GPHN: variants seen among roughly 807,000 people sequenced by gnomAD.
The protein encoded by GPHN is gephyrin.
Under a neutral mutation model 95.5 loss-of-function variants are expected in GPHN, and 17 were observed. The ratio of observed to expected loss-of-function variants is 0.18; its 90% confidence interval spans 0.12 to 0.27. The LOEUF is 0.27. Ranked by LOEUF, GPHN falls within the 10% of genes least tolerant of loss-of-function variation. GPHN has a pLI of 1.00. For synonymous variants in GPHN, 320 were observed against 322.5 expected, an observed-to-expected ratio of 0.99 and a Z score of 0.08; for missense variants, 660 against 978.1, an observed-to-expected ratio of 0.67 and a Z score of 4.34.
chr14:66,976,800 C>T (rs1209137064), intron 9 of GPHN, among the ~76,000 whole-genome samples: 10 of 151,078 alleles, frequency 6.6e-5, no homozygotes, highest in Non-Finnish European at 4.4e-5. Context: ...CTACCATATA[C>T]AGGGTTGACA....
rs147631769 is a variant in GPHN at position 67,159,597 on chromosome 14, C to CA, written c.1910+118dup. 248 of 741,894 alleles carry CA rather than the reference C, an allele frequency of 3.3e-4. 1 individual carries two copies. Among genetic ancestry groups the CA allele is most frequent in the Admixed American group, 4.2e-4 (22 of 52,426 alleles). The allele number at this position is 741,894 out of a possible 1,614,324, so 46.0% of individuals were successfully genotyped here. ...ATTTCCTATTATGAATTAACTATTC[C>CA]AAAAAAAAAGAAATATAGTATTAGG... On this transcript the variant is annotated intron_variant, in intron 19 of 22. Transcript: ENST00000478722.
At chr14:67,273,718 A>T in the GPHN span, among the ~76,000 whole-genome samples, 1 of 152,214 alleles carries the variant, frequency 6.6e-6, no homozygotes, top group South Asian at 2.1e-4. Context: ...ACAATGGTTG[A>T]ACTAGTTTAC....
the GPHN span, chr14:67,678,134 G>T: frequency 1.9e-6 from 1 of 536,150 alleles, no homozygotes; most frequent in Non-Finnish European, 3.4e-6. Flanking sequence ...AAGTAAATCT[G>T]GACATGACAG....
At chr14:66,711,072 G>T (rs181272712) in intron 2 of GPHN, among the ~76,000 whole-genome samples, 1 of 152,016 alleles carries the variant, frequency 6.6e-6, no homozygotes, top group Non-Finnish European at 1.5e-5. Context: ...ATAGGTTATT[G>T]GGGGTACAGG....
At chr14:66,528,959 A>G (rs991397377) in intron 1 of GPHN, among the ~76,000 whole-genome samples, 3 of 152,070 alleles carry the variant, frequency 2.0e-5, no homozygotes, top group Admixed American at 6.5e-5. Flanking sequence ...GCTCTTCTCA[A>G]GTAGTATCTT....
intron 4 of GPHN, among the ~76,000 whole-genome samples, chr14:66,826,578 T>A (rs887530536): frequency 6.6e-6 from 1 of 151,990 alleles, no homozygotes; most frequent in Admixed American, 6.6e-5. Context: ...CCAAACCGCG[T>A]CCCCCACCCC....
the GPHN span, among the ~76,000 whole-genome samples, chr14:67,314,610 G>A: frequency 6.6e-6 from 1 of 152,200 alleles, no homozygotes; most frequent in African/African-American, 2.4e-5. Context: ...CCAAATATCA[G>A]TATGGTGTCT....
At chr14:67,390,658 C>T in the GPHN span, 1 of 1,599,798 alleles carries the variant, frequency 6.3e-7, no homozygotes, top group South Asian at 1.1e-5. Flanking sequence ...AGCATGCGCA[C>T]TCACTTTGGA....
the GPHN span, among the ~76,000 whole-genome samples, chr14:67,496,399 T>G: frequency 8.2e-6 from 1 of 122,054 alleles, no homozygotes; most frequent in African/African-American, 3.1e-5. Flanking sequence ...GCGTTTTTTT[T>G]TTTTTTTTTT....
the GPHN span, chr14:67,573,758 G>T: frequency 7.8e-7 from 1 of 1,284,034 alleles, no homozygotes; most frequent in Non-Finnish European, 1.1e-6. The surrounding 1 kb of genome is among the most constrained non-coding windows in gnomAD (Gnocchi z 4.8). Context: ...CTCCGGAAAG[G>T]CTCCACATTC....
chr14:67,614,137 A>C, the GPHN span, among the ~76,000 whole-genome samples: 2 of 151,958 alleles, frequency 1.3e-5, no homozygotes. Flanking sequence ...GGGTCTTGCT[A>C]TGTTGTCTAG....
At chr14:67,389,971 G>A in the GPHN span, among the ~76,000 whole-genome samples, 2 of 152,024 alleles carry the variant, frequency 1.3e-5, no homozygotes, top group Non-Finnish European at 2.9e-5. Flanking sequence ...CTGGGTCCAG[G>A]CAGGGGTTCC....
At chr14:67,248,043 T>C in the GPHN span, among the ~76,000 whole-genome samples, 5 of 152,250 alleles carry the variant, frequency 3.3e-5, no homozygotes, top group Admixed American at 2.6e-4. Flanking sequence ...TGTTGAATTT[T>C]ATCATATGCC....
chr14:66,779,469 T>C (rs1377535715), intron 3 of GPHN, among the ~76,000 whole-genome samples: 1 of 152,106 alleles, frequency 6.6e-6, no homozygotes, highest in East Asian at 1.9e-4. Context: ...TTAATAAATA[T>C]ATATAAATAA....
the GPHN span, among the ~76,000 whole-genome samples, chr14:67,627,599 T>A: frequency 6.6e-6 from 1 of 152,264 alleles, no homozygotes; most frequent in African/African-American, 2.4e-5. Flanking sequence ...TGTAAGGCTG[T>A]ATGATCCACC....
At chr14:67,123,790 A>G (rs150862684) in intron 17 of GPHN, among the ~76,000 whole-genome samples, 1,528 of 152,182 alleles carry the variant, frequency 0.01, 18 homozygotes, top group African/African-American at 0.035. Context: ...TTCTTAAAAC[A>G]TTATGAGATT....
At chr14:67,713,389 T>TA in the GPHN span, among the ~76,000 whole-genome samples, 5 of 16,832 alleles carry the variant, frequency 3.0e-4, no homozygotes, top group African/African-American at 1.9e-3. Context: ...TGAAAGCAAG[T>TA]AAAACTCCAA....
At chr14:66,530,017 G>A (rs1209946018) in intron 1 of GPHN, among the ~76,000 whole-genome samples, 2 of 152,168 alleles carry the variant, frequency 1.3e-5, no homozygotes, top group Non-Finnish European at 2.9e-5. Flanking sequence ...GGCAGGCAGG[G>A]ACGTTTAAGT....
At chr14:66,965,873 T>A (rs926332952) in intron 9 of GPHN, among the ~76,000 whole-genome samples, 1 of 130,818 alleles carries the variant, frequency 7.6e-6, no homozygotes, top group Admixed American at 7.7e-5. Context: ...GGTAGAAGTT[T>A]CTTAGTCTTT....
Sources: gnomAD v4.1 joint callset for allele counts (sites outside exome capture counted in the v4.1 genomes callset) on GRCh38, gnomAD v4.1.1 for gene constraint, Gnocchi (gnomAD v3.1) non-coding constraint, MANE v1.5 for transcripts, NCBI Gene and HGNC (gene_info 2026-07-23, HGNC 2026-07-21) for gene names.